The following PCDHA6 variants were observed in gnomAD, a reference collection of about 807,000 sequenced individuals.
PCDHA6 encodes protocadherin alpha-6.
In PCDHA6, 55 loss-of-function variants were observed where a neutral mutation model predicts 60.3. That is an observed-to-expected ratio of 0.91 (90% CI 0.73 to 1.14). The LOEUF is 1.14. Ranked by LOEUF, PCDHA6 falls within the 50% of genes most tolerant of loss-of-function variation. The pLI, the probability that PCDHA6 is intolerant of heterozygous loss-of-function variation, is 0.00. For missense variants in PCDHA6, 1,327 were observed against 1,256.5 expected, an observed-to-expected ratio of 1.06 and a Z score of -0.85; for synonymous variants, 652 against 557.9, an observed-to-expected ratio of 1.17 and a Z score of -2.38.
chr5:140,948,959 C>T (rs1315047565), intron 1 of PCDHA6, among the ~76,000 whole-genome samples: 13 of 151,622 alleles, frequency 8.6e-5, no homozygotes, highest in South Asian at 6.2e-4. Context: ...ATTAAAGCCA[C>T]GAATTTATTA....
intron 1 of PCDHA6, chr5:140,856,447 CG>C (rs782392908): frequency 2.5e-6 from 4 of 1,598,330 alleles, no homozygotes. Flanking sequence ...CCAGGTTCTC[CG>C]TAACAGAACA....
chr5:140,885,525 A>G (rs1206570848), intron 1 of PCDHA6, among the ~76,000 whole-genome samples: 4 of 152,128 alleles, frequency 2.6e-5, no homozygotes, highest in Admixed American at 6.6e-5. Flanking sequence ...ATCATTTCAT[A>G]TATTTCCCAA....
In PCDHA6 at chr5:140,829,409, A is replaced by G. The variant is rs2150167358; in HGVS notation, c.1318A>G (p.Ser440Gly). 6 of 1,614,026 alleles carry G rather than the reference A, an allele frequency of 3.7e-6. No individual in the cohort carries two copies. In the African/African-American group the frequency reaches 8.0e-5, roughly 22 times the overall value. Residue 440 changes from serine (S) to glycine (G), a missense_variant, in exon 1 of 4, where the codon AGC becomes GGC. By Grantham distance (56) the Ser-to-Gly change is moderately conservative. Coordinates refer to ENST00000529310, the MANE Select transcript of PCDHA6 (RefSeq NM_018909.4). Reference sequence around the variant, plus strand: ...CTCGCCTTCGCTGTGGGCCACCGCCAGCTTGTCTGTGGAGGTGGCCGACAT... The same window carrying G: ...CTCGCCTTCGCTGTGGGCCACCGCCGGCTTGTCTGTGGAGGTGGCCGACAT... The part of the protein sequence containing the change: ...GGSPSLWATA[S>G]LSVEVADMND...
intron 1 of PCDHA6, among the ~76,000 whole-genome samples, chr5:140,924,871 G>C: frequency 6.7e-6 from 1 of 149,164 alleles, no homozygotes; most frequent in Non-Finnish European, 1.5e-5. Flanking sequence ...CTCCAGCCTG[G>C]GTGACAGAGC....
At position 140,850,766 on chromosome 5, in the gene PCDHA6, G is replaced by A. The variant is rs2150497576; in HGVS notation, c.2394+20281G>A. The A allele has an allele frequency of 3.1e-6, 5 of 1,598,074 alleles. No homozygotes were observed. In the South Asian group the frequency reaches 4.4e-5, roughly 14 times the overall value. On this transcript the variant is annotated intron_variant, in intron 1 of 3. Coordinates refer to ENST00000529310, the MANE Select transcript of PCDHA6 (RefSeq NM_018909.4). ...CGTACTCGCAGCAGAGGAGGCAGAG[G>A]GTGTGCTCTGGCGAGGGTAAGCAGA...
chr5:140,852,598 AT>A, intron 1 of PCDHA6: 1 of 898,436 alleles, frequency 1.1e-6, no homozygotes, highest in Non-Finnish European at 1.3e-6. Context: ...TTTTTTTGTC[AT>A]TTTCTTTCAA....
intron 1 of PCDHA6, among the ~76,000 whole-genome samples, chr5:140,921,179 GT>G (rs1563044506): frequency 6.6e-6 from 1 of 151,662 alleles, no homozygotes; most frequent in South Asian, 2.1e-4. Context: ...ATAAAGCACA[GT>G]TTTTTCACAA....
intron 1 of PCDHA6, chr5:140,876,403 G>A (rs1361779592): frequency 1.2e-6 from 2 of 1,613,820 alleles, no homozygotes. Context: ...ACTGGATTTT[G>A]AAGAGAATAA....
chr5:140,956,132 C>T (rs782171826), intron 1 of PCDHA6, among the ~76,000 whole-genome samples: 1 of 152,028 alleles, frequency 6.6e-6, no homozygotes, highest in African/African-American at 2.4e-5. Context: ...ATTTGAATAC[C>T]CTTTATTTCT....
intron 1 of PCDHA6, chr5:140,853,946 G>A (rs2042919136): frequency 1.2e-6 from 1 of 805,184 alleles, no homozygotes; most frequent in Non-Finnish European, 1.5e-6. Flanking sequence ...AGGTGGGAGG[G>A]TCCCTTCCTT....
intron 1 of PCDHA6, among the ~76,000 whole-genome samples, chr5:140,951,923 T>C (rs538525528): frequency 6.6e-6 from 1 of 152,214 alleles, no homozygotes; most frequent in South Asian, 2.1e-4. Flanking sequence ...ACAAGTTAGT[T>C]ACTCCCAAGA....
chr5:140,835,504 T>A (rs2150237021), intron 1 of PCDHA6: 1 of 1,613,936 alleles, frequency 6.2e-7, no homozygotes, highest in African/African-American at 1.3e-5. Flanking sequence ...TTGATTAGCG[T>A]GTTTGACCGA....
In PCDHA6 at chr5:140,858,199, T is replaced by C. The variant is rs142593526; in HGVS notation, c.2394+27714T>C. The C allele has an allele frequency of 1.4e-4, 227 of 1,596,922 alleles. 11 individuals carry two copies. The African/African-American group carries it at 2.3e-3, about 16-fold the overall frequency. On this transcript the variant is annotated intron_variant, in intron 1 of 3. Coordinates refer to ENST00000529310, the MANE Select transcript of PCDHA6 (RefSeq NM_018909.4). ...TGGTGCTCACGCTGCTGCTGTACAC[T>C]GCACTGAGGTGCTCGGCGGCGCCCA...
chr5:140,839,273 ACCTT>A (rs1255974388), intron 1 of PCDHA6, among the ~76,000 whole-genome samples: 6 of 152,020 alleles, frequency 3.9e-5, no homozygotes, highest in Admixed American at 3.3e-4. Flanking sequence ...TATATTTAAA[ACCTT>A]CCTAGCATAT....
At position 140,981,034 on chromosome 5, in the gene PCDHA6, A is replaced by G. The variant is rs376817771; in HGVS notation, c.2454-1441A>G. ...ACTTGAAGGCTGTTAATATTTGGGGAAAAAAAACAGATAATTCTAGAGTGT... is the reference window on the plus strand; with the variant it reads ...ACTTGAAGGCTGTTAATATTTGGGGGAAAAAAACAGATAATTCTAGAGTGT... On this transcript the variant is annotated intron_variant, in intron 2 of 3. Transcript: ENST00000529310. Among the ~76,000 whole-genome samples, 183 of 149,642 alleles carry G rather than the reference A, an allele frequency of 1.2e-3. 1 individual carries two copies. Among genetic ancestry groups the G allele is most frequent in the African/African-American group, 4.1e-3 (163 of 39,298 alleles).
chr5:140,858,425 C>T lies in PCDHA6; in HGVS notation c.2394+27940C>T, dbSNP rs373682195. 1.3e-5 allele frequency: 20 copies of T among 1,552,580 alleles called. 2 individuals are homozygous for T. The highest frequency in any genetic ancestry group is 1.8e-5 in the Non-Finnish European group (20 of 1,140,698). On this transcript the variant is annotated intron_variant, in intron 1 of 3. Transcript: ENST00000529310. ...GGAAGATCAGTCTATTGGAGGGGAC[C>T]ACTCTAGGAAGGTGGGTTATTACGT...
chr5:140,857,662 T>C lies in PCDHA6; in HGVS notation c.2394+27177T>C, dbSNP rs782577621. The C allele has an allele frequency of 7.5e-6, 12 of 1,596,412 alleles. 2 individuals are homozygous for C. The highest frequency in any genetic ancestry group is 6.7e-5 in the African/African-American group (5 of 74,166). On this transcript the variant is annotated intron_variant, in intron 1 of 3. Transcript: ENST00000529310. ...TACAGTTCCAGGTGAGCGCGCGCGA[T>C]GGGGGCGTGCCGCCTCTGGGCAGCA...
At chr5:140,973,354 T>A (rs937415600) in intron 1 of PCDHA6, among the ~76,000 whole-genome samples, 4 of 152,202 alleles carry the variant, frequency 2.6e-5, no homozygotes, top group Non-Finnish European at 5.9e-5. Flanking sequence ...AGTAGTGAAT[T>A]TATAAAAATT....
chr5:140,833,169 G>A (rs2150206852), intron 1 of PCDHA6, among the ~76,000 whole-genome samples: 2 of 152,190 alleles, frequency 1.3e-5, no homozygotes, highest in Admixed American at 6.6e-5. Flanking sequence ...AGTATTAACG[G>A]AAGATGACTG....
Sources: allele counts gnomAD v4.1 joint callset (sites outside exome capture counted in the v4.1 genomes callset), GRCh38; gene constraint gnomAD v4.1.1; transcripts MANE v1.5; gene names NCBI Gene and HGNC (gene_info 2026-07-23, HGNC 2026-07-21).